The following PTPN1 variants were observed in gnomAD, a reference collection of about 807,000 sequenced individuals.
PTPN1 encodes the protein tyrosine-protein phosphatase non-receptor type 1.
In PTPN1, 12 loss-of-function variants were observed where a neutral mutation model predicts 59.9. That is an observed-to-expected ratio of 0.20 (90% confidence interval 0.13 to 0.32). The LOEUF (loss-of-function observed/expected upper bound fraction) is 0.32, where lower values mean the gene tolerates loss of function less well. PTPN1 is among the 10% of genes least tolerant of loss of function. The probability of loss-of-function intolerance (pLI) is 1.00; values close to 1 mark genes in which losing one functional copy is unlikely to be tolerated. For missense variants in PTPN1, 356 were observed against 549.2 expected (o/e 0.65, Z 3.52); for synonymous variants, 178 against 203.6 (o/e 0.87, Z 1.07).
At chr20:50,516,363 A>G (rs2082528986) in intron 1 of PTPN1, among the ~76,000 whole-genome samples, 1 of 152,092 alleles carries the variant, frequency 6.6e-6, no homozygotes, top group Non-Finnish European at 1.5e-5. Context: ...CTCAGCTGTC[A>G]TACTAACAGT....
At chr20:50,567,165 C>T (rs777698509) in intron 3 of PTPN1, among the ~76,000 whole-genome samples, 3 of 152,192 alleles carry the variant, frequency 2.0e-5, no homozygotes, top group South Asian at 2.1e-4. Flanking sequence ...CGGTGGCTTA[C>T]GCCTGTAATC....
In PTPN1 at chr20:50,561,473, G is replaced by T; in HGVS notation, c.154+20G>T. ...GTCCCTGTAAGTATCCACGTGGCCG[G>T]TACCAGTCTTGCTCTTCCTTTGCTG... On this transcript the variant is annotated intron_variant, in intron 2 of 9. Coordinates refer to ENST00000371621, the MANE Select transcript of PTPN1 (RefSeq NM_002827.4). 6.5e-7 allele frequency: 1 copy of T among 1,531,298 alleles called. No individual in the cohort carries two copies. Among genetic ancestry groups the T allele is most frequent in the South Asian group, 1.2e-5 (1 of 86,834 alleles). 94.9% of individuals were successfully genotyped at this position (1,531,298 alleles called of 1,614,324 possible).
rs185037404 is a variant in PTPN1, at chr20:50,535,330, C to T, written c.63+24740C>T. On this transcript the variant is annotated intron_variant, in intron 1 of 9. Transcript: ENST00000371621. ...CCGTACACCTGCAGCGCATGCTCCA[C>T]ATTCTGTCTTTACTGATGCTGTGTC... 1.3e-3 allele frequency among the ~76,000 whole-genome samples: 197 copies of T among 152,202 alleles called. 1 individual carries two copies. The highest frequency in any genetic ancestry group is 4.6e-3 in the African/African-American group (190 of 41,496).
rs1013097538 is a variant in PTPN1 at position 50,574,827 on chromosome 20, C to T, written c.492+173C>T. ...GCTTACTTGTGTACCTACCAAGTGC[C>T]CAGGGAGGGTGGAGGCCACAGTGCT... On this transcript the variant is annotated intron_variant, in intron 5 of 9. Coordinates refer to ENST00000371621, the MANE Select transcript of PTPN1 (RefSeq NM_002827.4). The T allele has an allele frequency of 3.7e-4, 269 of 731,262 alleles. 2 individuals are homozygous for T. The highest frequency in any genetic ancestry group is 9.0e-5 in the Non-Finnish European group (42 of 468,898). The allele number at this position is 731,262 out of a possible 1,614,324, so 45.3% of individuals were successfully genotyped here.
intron 1 of PTPN1, among the ~76,000 whole-genome samples, chr20:50,513,727 A>C (rs2082516960): frequency 6.6e-6 from 1 of 152,276 alleles, no homozygotes; most frequent in South Asian, 2.1e-4. Flanking sequence ...TGTTGTAACA[A>C]TAGTTCACTA....
At chr20:50,515,974 C>G (rs1472971204) in intron 1 of PTPN1, among the ~76,000 whole-genome samples, 1 of 152,130 alleles carries the variant, frequency 6.6e-6, no homozygotes, top group African/African-American at 2.4e-5. Context: ...AAGCTGATAC[C>G]ACTGATTTGT....
chr20:50,551,180 C>G (rs1458942840), intron 1 of PTPN1, among the ~76,000 whole-genome samples: 2 of 152,048 alleles, frequency 1.3e-5, no homozygotes, highest in Non-Finnish European at 2.9e-5. Context: ...AGCATGTTAC[C>G]CCTTTGTGTT....
chr20:50,544,409 G>A (rs1017661880), intron 1 of PTPN1, among the ~76,000 whole-genome samples: 1 of 152,126 alleles, frequency 6.6e-6, no homozygotes, highest in Non-Finnish European at 1.5e-5. Flanking sequence ...TCCTCCCTTG[G>A]CCTCCCAAAG....
intron 1 of PTPN1, among the ~76,000 whole-genome samples, chr20:50,523,790 T>C (rs1278746005): frequency 6.6e-6 from 1 of 152,084 alleles, no homozygotes. Context: ...GGTATCTAAT[T>C]GGGATTGGGA....
At chr20:50,574,826 C>A in intron 5 of PTPN1, 172 bp downstream of exon 5, 1 of 739,566 alleles carries the variant, frequency 1.4e-6, no homozygotes, top group Non-Finnish European at 2.1e-6. Flanking sequence ...CTACCAAGTG[C>A]CCAGGGAGGG....
intron 1 of PTPN1, among the ~76,000 whole-genome samples, chr20:50,549,760 A>C (rs2082694279): frequency 6.6e-6 from 1 of 152,206 alleles, no homozygotes; most frequent in South Asian, 2.1e-4. Context: ...TAAACAGTGT[A>C]GTTTATCTTA....
chr20:50,549,464 T>C (rs1485410790), intron 1 of PTPN1, among the ~76,000 whole-genome samples: 4 of 152,224 alleles, frequency 2.6e-5, no homozygotes, highest in Non-Finnish European at 5.9e-5. Context: ...TAGTGACTTG[T>C]AGCTCCATTA....
chr20:50,579,966 A>T, intron 8 of PTPN1, 40 bp downstream of exon 8: 9 of 1,572,106 alleles, frequency 5.7e-6, no homozygotes, highest in Non-Finnish European at 7.9e-6. Flanking sequence ...GTGAGGGGAA[A>T]TGACTTTCTG....
intron 1 of PTPN1, among the ~76,000 whole-genome samples, chr20:50,543,346 T>G (rs1172276009): frequency 6.6e-6 from 1 of 152,232 alleles, no homozygotes. Flanking sequence ...TGATATCTTG[T>G]GTTCCTCTTG....
intron 1 of PTPN1, among the ~76,000 whole-genome samples, chr20:50,522,013 G>C (rs2082553749): frequency 6.6e-6 from 1 of 152,198 alleles, no homozygotes; most frequent in Admixed American, 6.5e-5. Flanking sequence ...AATGTTATGT[G>C]ATGCTTGGCC....
rs748360940 is a variant in PTPN1, at chr20:50,579,324, G to T, written c.859G>T (p.Val287Leu). 6.8e-6 allele frequency: 11 copies of T among 1,613,812 alleles called. No individual in the cohort carries two copies. The Admixed American group carries it at 8.3e-5, about 12-fold the overall frequency. The stretch of plus-strand genomic sequence containing the variant: ...CAAATTCATCATGGGGGACTCTTCC[G>T]TGCAGGTCAGCATTGCCTTTGTTTG... ...GAKFIMGDSS[V>L]QDQWKELSHE... Residue 287 changes from valine (V) to leucine (L), a missense_variant, in exon 7 of 10, where the codon GTG becomes TTG. Coordinates refer to ENST00000371621, the MANE Select transcript of PTPN1 (RefSeq NM_002827.4).
rs918696086 is a variant in PTPN1, at chr20:50,568,845, G to C, written c.354+367G>C. 2.6e-5 allele frequency among the ~76,000 whole-genome samples: 4 copies of C among 152,124 alleles called. No individual in the cohort carries two copies. Among genetic ancestry groups the C allele is most frequent in the African/African-American group, 7.2e-5 (3 of 41,416 alleles). On this transcript the variant is annotated intron_variant, in intron 4 of 9. Coordinates refer to ENST00000371621, the MANE Select transcript of PTPN1 (RefSeq NM_002827.4). This position sits in a 1 kb window ranked among gnomAD's most constrained non-coding sequence, Gnocchi z 5.6. Reference sequence around the variant, plus strand: ...AAGCAAGTTCTTAGTGCATCTTCATGGTGTCTGATTTTTTGGCTGGTGAGA... The same window carrying C: ...AAGCAAGTTCTTAGTGCATCTTCATCGTGTCTGATTTTTTGGCTGGTGAGA...
intron 1 of PTPN1, among the ~76,000 whole-genome samples, chr20:50,558,751 G>A (rs1233643653): frequency 6.6e-6 from 1 of 152,086 alleles, no homozygotes; most frequent in Non-Finnish European, 1.5e-5. Context: ...GGTTGGGATA[G>A]CGTGTTCACA....
At chr20:50,516,761 C>A (rs1190427223) in intron 1 of PTPN1, among the ~76,000 whole-genome samples, 2 of 152,130 alleles carry the variant, frequency 1.3e-5, no homozygotes, top group Non-Finnish European at 2.9e-5. Context: ...GGTGGCTTTT[C>A]CTGTAAAAGA....
Sources: allele counts gnomAD v4.1 joint callset (sites outside exome capture counted in the v4.1 genomes callset), GRCh38; gene constraint gnomAD v4.1.1; non-coding constraint Gnocchi (gnomAD v3.1); transcripts MANE v1.5; gene names NCBI Gene and HGNC (gene_info 2026-07-23, HGNC 2026-07-21).